PRKN: variants seen among roughly 807,000 people sequenced by gnomAD.
PRKN encodes parkin RBR E3 ubiquitin protein ligase.
A neutral mutation model predicts 59.5 loss-of-function variants in PRKN; 56 were observed. That is an observed-to-expected ratio of 0.94 (90% CI 0.76 to 1.18). The LOEUF (loss-of-function observed/expected upper bound fraction) is 1.18, where lower values mean the gene tolerates loss of function less well. Among genes scored for constraint, PRKN ranks in the 50% most tolerant of loss-of-function variants. The probability of loss-of-function intolerance (pLI) is 0.00; values close to 1 mark genes in which losing one functional copy is unlikely to be tolerated. For synonymous variants in PRKN, 250 were observed against 222.1 expected, an observed-to-expected ratio of 1.13 and a Z score of -1.12; for missense variants, 657 against 596.4, an observed-to-expected ratio of 1.10 and a Z score of -1.06.
At chr6:161,427,244 T>C (rs1788412454) in intron 9 of PRKN, among the ~76,000 whole-genome samples, 1 of 152,174 alleles carries the variant, frequency 6.6e-6, no homozygotes, top group African/African-American at 2.4e-5. Flanking sequence ...GGTCTTGAAC[T>C]CTTGGACTCA....
chr6:161,516,826 C>CA (rs369136348), intron 9 of PRKN, among the ~76,000 whole-genome samples: 3,992 of 63,146 alleles, frequency 0.063, 304 homozygotes, highest in Admixed American at 0.19. Context: ...GACTCAATCT[C>CA]AAAAAAAAAA....
chr6:162,020,332 CAAA>C (rs771141235), intron 5 of PRKN, among the ~76,000 whole-genome samples: 2,675 of 45,138 alleles, frequency 0.059, 4 homozygotes, highest in Middle Eastern at 0.095. Context: ...ACCAATGAAT[CAAA>C]AAAAAAAAAA....
At chr6:162,016,597 G>A (rs1202921061) in intron 5 of PRKN, among the ~76,000 whole-genome samples, 1 of 152,080 alleles carries the variant, frequency 6.6e-6, no homozygotes, top group African/African-American at 2.4e-5. Context: ...TAGAAGTAGG[G>A]TATTAGATCC....
At chr6:162,526,739 A>G (rs1471898472) in intron 1 of PRKN, among the ~76,000 whole-genome samples, 1 of 152,212 alleles carries the variant, frequency 6.6e-6, no homozygotes, top group Non-Finnish European at 1.5e-5. Flanking sequence ...AAAGCTGCAT[A>G]AGAGAATAAC....
At chr6:161,509,243 C>T (rs1336817516) in intron 9 of PRKN, among the ~76,000 whole-genome samples, 1 of 151,578 alleles carries the variant, frequency 6.6e-6, no homozygotes, top group Non-Finnish European at 1.5e-5. Flanking sequence ...AAAACTTTTT[C>T]ACCTCCTGTT....
At chr6:161,993,486 A>G (rs1252600915) in intron 5 of PRKN, among the ~76,000 whole-genome samples, 2 of 152,214 alleles carry the variant, frequency 1.3e-5, no homozygotes, top group Non-Finnish European at 2.9e-5. Context: ...GTCCAGGACA[A>G]GACGGATTAA....
intron 9 of PRKN, among the ~76,000 whole-genome samples, chr6:161,425,851 G>A (rs1440640698): frequency 6.6e-6 from 1 of 152,154 alleles, no homozygotes; most frequent in African/African-American, 2.4e-5. Flanking sequence ...TTCACACGGT[G>A]CCCCTGTTCC....
chr6:162,478,701 T>C (rs551578905), intron 1 of PRKN, among the ~76,000 whole-genome samples: 2 of 152,290 alleles, frequency 1.3e-5, no homozygotes, highest in South Asian at 4.1e-4. Context: ...ACCCAGATGG[T>C]ACAGGCGACT....
intron 4 of PRKN, among the ~76,000 whole-genome samples, chr6:162,061,690 A>G (rs1347382220): frequency 6.6e-6 from 1 of 152,262 alleles, no homozygotes; most frequent in East Asian, 1.9e-4. Context: ...AATAAATGCA[A>G]TCATTAAATA....
At chr6:161,586,681 T>C (rs1781533892) in intron 7 of PRKN, among the ~76,000 whole-genome samples, 2 of 152,238 alleles carry the variant, frequency 1.3e-5, no homozygotes, top group Admixed American at 1.3e-4. Context: ...GGTTCTAGTA[T>C]TCACTAGCTA....
chr6:162,414,137 C>A (rs941957393), intron 2 of PRKN, among the ~76,000 whole-genome samples: 1 of 152,028 alleles, frequency 6.6e-6, no homozygotes, highest in Non-Finnish European at 1.5e-5. Flanking sequence ...GAGCTGAAAT[C>A]ATGCCACTGC....
At chr6:161,696,877 G>A (rs1005718317) in intron 7 of PRKN, among the ~76,000 whole-genome samples, 4 of 152,092 alleles carry the variant, frequency 2.6e-5, no homozygotes, top group South Asian at 2.1e-4. Flanking sequence ...CCAACTTCCC[G>A]ATTTGCTGAT....
At chr6:161,737,954 T>C (rs996804026) in intron 7 of PRKN, among the ~76,000 whole-genome samples, 3 of 152,322 alleles carry the variant, frequency 2.0e-5, no homozygotes, top group African/African-American at 7.2e-5. Flanking sequence ...AAAGATTCTA[T>C]CTGCATTCCT....
chr6:162,355,388 AATCTATCTATCT>A (rs534864850), intron 2 of PRKN, among the ~76,000 whole-genome samples: 1 of 151,360 alleles, frequency 6.6e-6, no homozygotes, highest in South Asian at 2.1e-4. Context: ...CACCATCTGT[AATCTATCTATCT>A]ATCTATCTAT....
At chr6:162,574,998 A>G (rs533213351) in intron 1 of PRKN, among the ~76,000 whole-genome samples, 1 of 152,094 alleles carries the variant, frequency 6.6e-6, no homozygotes, top group South Asian at 2.1e-4. Flanking sequence ...CTCCCAGTTT[A>G]TGGTCCATCT....
At position 161,550,654 on chromosome 6, in the gene PRKN, G is replaced by A. The variant is rs1317548344; in HGVS notation, c.934-1651C>T. Among the ~76,000 whole-genome samples the A allele has an allele frequency of 6.6e-6, 1 of 151,610 alleles. No individual in the cohort carries two copies. Among genetic ancestry groups the A allele is most frequent in the Non-Finnish European group, 1.5e-5 (1 of 67,956 alleles). On this transcript the variant is annotated intron_variant, in intron 8 of 11. Coordinates refer to ENST00000366898, the MANE Select transcript of PRKN (RefSeq NM_004562.3). The surrounding 1 kb of genome is among the most constrained non-coding windows in gnomAD (Gnocchi z 4.0). ...AAGAGGAGTCAACTGTGAGTGGAGT[G>A]TAGTTCCCCGTTTCCTGAGAAGACA...
chr6:162,131,238 C>A (rs557741943), intron 4 of PRKN, among the ~76,000 whole-genome samples: 11 of 152,220 alleles, frequency 7.2e-5, no homozygotes, highest in African/African-American at 2.6e-4. Flanking sequence ...CATGATGACA[C>A]CCTCTAAACA....
At chr6:162,419,309 T>C (rs1365303486) in intron 2 of PRKN, among the ~76,000 whole-genome samples, 1 of 151,920 alleles carries the variant, frequency 6.6e-6, no homozygotes, top group Non-Finnish European at 1.5e-5. Context: ...GAGATGAAAA[T>C]AGTTTTGTTT....
intron 5 of PRKN, among the ~76,000 whole-genome samples, chr6:162,047,882 C>T (rs2128283711): frequency 6.9e-6 from 1 of 145,562 alleles, no homozygotes; most frequent in Admixed American, 6.7e-5. Context: ...TTCCAGTTGG[C>T]ATATACTGAG....
Sources: allele counts gnomAD v4.1 joint callset (sites outside exome capture counted in the v4.1 genomes callset), GRCh38; gene constraint gnomAD v4.1.1; non-coding constraint Gnocchi (gnomAD v3.1); transcripts MANE v1.5; gene names NCBI Gene and HGNC (gene_info 2026-07-23, HGNC 2026-07-21).